Variants in MIER1 observed in about 807,000 individuals in gnomAD.
The protein encoded by MIER1 is mesoderm induction early response protein 1.
In MIER1, 40 loss-of-function variants were observed where a neutral mutation model predicts 75.7. The ratio of observed to expected loss-of-function variants is 0.53; its 90% CI spans 0.41 to 0.69. The LOEUF is 0.69. Among genes scored for constraint, MIER1 ranks in the 30% least tolerant of loss-of-function variants. MIER1 has a pLI of 0.00. For missense variants in MIER1, 574 were observed against 680.2 expected (o/e 0.84, Z 1.74); for synonymous variants, 213 against 223.4 (o/e 0.95, Z 0.42).
rs1665934803 is a variant in MIER1, at chr1:66,981,760, T to A, written c.1230-19T>A. On this transcript the variant is annotated intron_variant, in intron 12 of 13. Transcript: ENST00000401041. ...TTTTCAGCTCTTTTTAATATAAAAA[T>A]TGTTTTATTAATTTTAAGGGATTAC... 5.1e-6 allele frequency: 8 copies of A among 1,562,920 alleles called. No individual in the cohort carries two copies. Among genetic ancestry groups the A allele is most frequent in the Non-Finnish European group, 6.9e-6 (8 of 1,156,546 alleles).
intron 12 of MIER1, among the ~76,000 whole-genome samples, chr1:66,978,899 CTT>C (rs1221844217): frequency 8.5e-5 from 13 of 152,266 alleles, no homozygotes; most frequent in African/African-American, 2.9e-4. Context: ...CTTCTGAAAA[CTT>C]TTTGAAGATA....
intron 2 of MIER1, among the ~76,000 whole-genome samples, chr1:66,927,834 G>T (rs1429217295): frequency 6.6e-6 from 1 of 152,086 alleles, no homozygotes; most frequent in Non-Finnish European, 1.5e-5. Flanking sequence ...ACAGGGTAGA[G>T]AATTGACTAA....
In MIER1 at chr1:66,958,088, C is replaced by T. The variant is rs748623037; in HGVS notation, c.369C>T (p.Leu123=). Residue 123 remains leucine (L), a synonymous_variant, in exon 5 of 14, where the codon CTC becomes CTT. Coordinates refer to ENST00000401041, the MANE Select transcript of MIER1 (RefSeq NM_001077700.3). ...GCGACATGCCAATTCATGAACTTCT[C>T]AGCCTTTATGGTTATGGTAGTACTG... ...REGDMPIHEL[L]SLYGYGSTVR... The T allele has an allele frequency of 7.5e-6, 12 of 1,605,136 alleles. No individual in the cohort carries two copies. In the South Asian group the frequency reaches 7.8e-5, roughly 10 times the overall value.
intron 8 of MIER1, among the ~76,000 whole-genome samples, chr1:66,967,262 A>G (rs775904752): frequency 1.5e-4 from 23 of 152,276 alleles, no homozygotes; most frequent in Non-Finnish European, 2.6e-4. Context: ...TGAAGAGACT[A>G]TCTTTTCCCA....
At chr1:66,925,679 C>G (rs553572324) in intron 1 of MIER1, 98 of 409,656 alleles carry the variant, frequency 2.4e-4, no homozygotes, top group African/African-American at 2.0e-3. Flanking sequence ...GCTCTTTACT[C>G]TTGTTCTTTC....
chr1:66,929,085 T>G (rs1652488287), intron 2 of MIER1: 10 of 693,412 alleles, frequency 1.4e-5, no homozygotes, highest in Non-Finnish European at 2.5e-5. Context: ...AGGAAAATGC[T>G]TGATAGAGTC....
chr1:66,984,988 C>T lies in MIER1; in HGVS notation c.*88C>T. ...ATGGGTTACCTTAAAAAGTTGATTT[C>T]CTTGAAGCAGTTTGAAAATTTGAAT... On this transcript the variant is annotated 3_prime_UTR_variant, in exon 14 of 14. Coordinates refer to ENST00000401041, the MANE Select transcript of MIER1 (RefSeq NM_001077700.3). 1.4e-6 allele frequency: 2 copies of T among 1,444,540 alleles called. No homozygotes were observed. The highest frequency in any genetic ancestry group is 3.2e-5 in the South Asian group (2 of 62,394). 89.5% of individuals were successfully genotyped at this position (1,444,540 alleles called of 1,614,324 possible).
chr1:66,977,061 GT>G (rs1374158700), intron 12 of MIER1, among the ~76,000 whole-genome samples: 1 of 151,406 alleles, frequency 6.6e-6, no homozygotes, highest in Non-Finnish European at 1.5e-5. Flanking sequence ...GTGAAAGCAT[GT>G]TTTTCTTAAA....
chr1:66,984,374 A>G (rs1253329010), intron 13 of MIER1, among the ~76,000 whole-genome samples, 198 bp from the exon 14 acceptor site: 1 of 152,222 alleles, frequency 6.6e-6, no homozygotes, highest in East Asian at 1.9e-4. Context: ...TTCATTGTAT[A>G]TATGTAATGA....
At chr1:66,967,003 GTTAAC>G (rs1300612927) in intron 8 of MIER1, among the ~76,000 whole-genome samples, 1 of 152,038 alleles carries the variant, frequency 6.6e-6, no homozygotes, top group African/African-American at 2.4e-5. Flanking sequence ...GCAAAAGCTT[GTTAAC>G]TTAATATGAT....
At chr1:66,947,946 C>T (rs1658059430) in intron 4 of MIER1, 1 of 985,418 alleles carries the variant, frequency 1.0e-6, no homozygotes, top group Non-Finnish European at 1.2e-6. Flanking sequence ...GGTGTTGCCT[C>T]CTCAGAATAG....
At chr1:66,946,582 C>A (rs1657699648) in intron 4 of MIER1, 1 of 1,064,362 alleles carries the variant, frequency 9.4e-7, no homozygotes, top group African/African-American at 1.7e-5. Flanking sequence ...TAAAAGGATT[C>A]TACACGGCCT....
chr1:66,970,866 G>A lies in MIER1; in HGVS notation c.831G>A (p.Val277=), dbSNP rs376858437. ...WDPEYLPEDK[V]IIFLKDASRR... is the part of the protein sequence containing the mutation. ...CTGAGTACTTACCAGAAGATAAAGTGATTATATTTCTTAAAGATGCATCTA... is the reference window on the plus strand; with the variant it reads ...CTGAGTACTTACCAGAAGATAAAGTAATTATATTTCTTAAAGATGCATCTA... The change falls in exon 9 of 14, where the codon GTG becomes GTA. Residue 277 remains valine, a synonymous_variant. Transcript: ENST00000401041. 2.8e-5 allele frequency: 44 copies of A among 1,597,792 alleles called. No individual in the cohort carries two copies. Among genetic ancestry groups the A allele is most frequent in the Non-Finnish European group, 3.7e-5 (44 of 1,174,656 alleles).
At chr1:66,927,408 C>G (rs1257296437) in intron 2 of MIER1, among the ~76,000 whole-genome samples, 1 of 152,048 alleles carries the variant, frequency 6.6e-6, no homozygotes, top group Non-Finnish European at 1.5e-5. Flanking sequence ...TCCAACAGAA[C>G]TACTGTTTTG....
intron 3 of MIER1, among the ~76,000 whole-genome samples, chr1:66,945,296 TATATATATATATATATATATAA>T (rs1332852037): frequency 3.0e-3 from 25 of 8,424 alleles, no homozygotes; most frequent in African/African-American, 0.012. Context: ...TATATATATA[TATATATATATATATATATATAA>T]AATACCTAAT....
chr1:66,943,625 G>T (rs931530773), intron 3 of MIER1, among the ~76,000 whole-genome samples: 8 of 150,574 alleles, frequency 5.3e-5, no homozygotes, highest in Non-Finnish European at 1.2e-4. Context: ...TCACTGTGTT[G>T]CCCAGGCTTG....
intron 4 of MIER1, among the ~76,000 whole-genome samples, chr1:66,953,827 C>T (rs1659533699): frequency 1.3e-5 from 2 of 152,020 alleles, no homozygotes; most frequent in Admixed American, 1.3e-4. Context: ...CGGTCTTGAA[C>T]TCCTGATCTC....
chr1:66,946,605 G>T (rs1657709177), intron 4 of MIER1: 12 of 1,023,310 alleles, frequency 1.2e-5, no homozygotes, highest in Non-Finnish European at 1.4e-5. Context: ...TATATCCTTT[G>T]TCCTTCCCCA....
At chr1:66,969,202 T>C (rs535023293) in intron 8 of MIER1, among the ~76,000 whole-genome samples, 1 of 152,254 alleles carries the variant, frequency 6.6e-6, no homozygotes, top group East Asian at 1.9e-4. Context: ...CAAGGGAAGA[T>C]AGAAGAAGGT....
Sources: gnomAD v4.1 joint callset for allele counts (sites outside exome capture counted in the v4.1 genomes callset) on GRCh38, gnomAD v4.1.1 for gene constraint, MANE v1.5 for transcripts, NCBI Gene and HGNC (gene_info 2026-07-23, HGNC 2026-07-21) for gene names.